The following SH3YL1 variants were observed in gnomAD, a reference collection of about 807,000 sequenced individuals.
SH3YL1 encodes SH3 and SYLF domain containing 1.
SH3YL1 carries 41 observed loss-of-function variants against 45.8 expected under a neutral mutation model. The observed-to-expected ratio is 0.89, with a 90% CI of 0.70 to 1.16. The LOEUF is 1.16. Among genes scored for constraint, SH3YL1 ranks in the 50% most tolerant of loss-of-function variants. The pLI, the probability that SH3YL1 is intolerant of heterozygous loss-of-function variation, is 0.00. For synonymous variants in SH3YL1, 152 were observed against 151.4 expected (o/e 1.00, Z -0.03); for missense variants, 389 against 409.6 (o/e 0.95, Z 0.43).
chr2:220,396 T>C (rs983013559), intron 9 of SH3YL1, among the ~76,000 whole-genome samples: 2 of 152,142 alleles, frequency 1.3e-5, no homozygotes, highest in African/African-American at 4.8e-5. Flanking sequence ...AATACTGGTA[T>C]AACTACTTTT....
chr2:238,653 C>A (rs142559098), intron 4 of SH3YL1, among the ~76,000 whole-genome samples: 25 of 152,200 alleles, frequency 1.6e-4, no homozygotes, highest in Non-Finnish European at 8.8e-5. Context: ...GCCAAGCCAG[C>A]AGCAGGACTT....
chr2:227,041 G>A (rs1159317959), intron 8 of SH3YL1, among the ~76,000 whole-genome samples: 6 of 152,026 alleles, frequency 3.9e-5, no homozygotes, highest in Non-Finnish European at 7.4e-5. Flanking sequence ...AGTGGGAAAT[G>A]TGCATGGTAG....
intron 9 of SH3YL1, among the ~76,000 whole-genome samples, chr2:223,564 GTCAACATT>G (rs2103017642): frequency 6.6e-6 from 1 of 152,320 alleles, no homozygotes; most frequent in South Asian, 2.1e-4. Flanking sequence ...CTGTCTTGGT[GTCAACATT>G]TATACCTTAA....
At chr2:226,457 T>C (rs781200202) in intron 8 of SH3YL1, among the ~76,000 whole-genome samples, 98 of 152,302 alleles carry the variant, frequency 6.4e-4, no homozygotes, top group African/African-American at 1.6e-3. Context: ...CATTCACTAA[T>C]AGGAATAAAT....
In SH3YL1 at chr2:220,627, G is replaced by A. The variant is rs371932410; in HGVS notation, c.839-1626C>T. On this transcript the variant is annotated intron_variant, in intron 9 of 9. Transcript: ENST00000356150. ...TGTGAAAGGAGCTGTGCTCTGCCCTGGGTGGGGTACCGGGCAGGCGCTCAC... is the reference window on the plus strand; with the variant it reads ...TGTGAAAGGAGCTGTGCTCTGCCCTAGGTGGGGTACCGGGCAGGCGCTCAC... Among the ~76,000 whole-genome samples, 80 of 152,344 alleles carry A rather than the reference G, an allele frequency of 5.3e-4. No homozygotes were observed. In the East Asian group the frequency reaches 9.8e-3, roughly 19 times the overall value.
chr2:237,224 T>C (rs1668345179), intron 4 of SH3YL1, among the ~76,000 whole-genome samples: 2 of 151,938 alleles, frequency 1.3e-5, no homozygotes, highest in African/African-American at 4.8e-5. Context: ...TACATCGTGG[T>C]ACAGTTAAGT....
At chr2:221,492 G>T (rs17041739) in intron 9 of SH3YL1, among the ~76,000 whole-genome samples, 1,553 of 152,322 alleles carry the variant, frequency 0.01, 66 homozygotes, top group Admixed American at 0.086. Flanking sequence ...TCACAATCAG[G>T]TGTTGGTCTA....
chr2:238,554 A>T (rs1284920993), intron 4 of SH3YL1, among the ~76,000 whole-genome samples: 1 of 152,254 alleles, frequency 6.6e-6, no homozygotes, highest in East Asian at 1.9e-4. Context: ...TCAAATTCCA[A>T]TCTTGAGTAA....
chr2:257,947 A>T (rs1669420324), intron 1 of SH3YL1, among the ~76,000 whole-genome samples: 1 of 152,172 alleles, frequency 6.6e-6, no homozygotes, highest in South Asian at 2.1e-4. Context: ...TGACTTTGTC[A>T]AATATCAGAT....
chr2:229,980 T>C lies in SH3YL1; in HGVS notation c.767A>G (p.Asn256Ser), dbSNP rs1203385331. 6.2e-7 allele frequency: 1 copy of C among 1,612,474 alleles called. No individual in the cohort carries two copies. The highest frequency in any genetic ancestry group is 1.3e-5 in the African/African-American group (1 of 74,888). ...PQQSSAPVQL[N>S]SGSQSNRNEY... ...AAAATATTTACTTTGAGAGCCAGAG[T>C]TCAGCTGGACTGGTGCAGATGACTG... The change falls in exon 8 of 10, where the codon AAC becomes AGC. Residue 256 changes from asparagine to serine, a missense_variant. Physicochemically the swap from Asn to Ser is conservative, Grantham distance 46. Transcript: ENST00000356150.
At chr2:246,372 C>T (rs1042304081) in intron 4 of SH3YL1, among the ~76,000 whole-genome samples, 2 of 152,122 alleles carry the variant, frequency 1.3e-5, no homozygotes, top group Non-Finnish European at 2.9e-5. Flanking sequence ...ACCATGGAAA[C>T]TCTCAATTTT....
Position 228,757 on chromosome 2 carries a change from T to C in SH3YL1, c.781+1209A>G, listed in dbSNP as rs530529879. On this transcript the variant is annotated intron_variant, in intron 8 of 9. Coordinates refer to ENST00000356150, the MANE Select transcript of SH3YL1 (RefSeq NM_015677.4). ...CAGGAGGCAGGTTGGTAATGAGGAA[T>C]AGGCCTGGTTCCTGAGCATCTTCCT... Among the ~76,000 whole-genome samples the C allele has an allele frequency of 5.3e-5, 8 of 152,250 alleles. No homozygotes were observed. The South Asian group carries it at 1.0e-3, about 20-fold the overall frequency.
At chr2:255,411 T>C (rs1381273307) in intron 1 of SH3YL1, among the ~76,000 whole-genome samples, 4 of 151,854 alleles carry the variant, frequency 2.6e-5, no homozygotes, top group South Asian at 2.1e-4. Flanking sequence ...CTGGGCAACA[T>C]AGTGAGACCC....
chr2:228,893 C>A (rs568687273), intron 8 of SH3YL1, among the ~76,000 whole-genome samples: 2 of 152,290 alleles, frequency 1.3e-5, no homozygotes, highest in East Asian at 1.9e-4. Flanking sequence ...GCCGAGGATG[C>A]GCTTCCCGCC....
intron 2 of SH3YL1, among the ~76,000 whole-genome samples, chr2:250,834 G>A (rs62114509): frequency 3.3e-5 from 5 of 152,158 alleles, no homozygotes; most frequent in Admixed American, 6.5e-5. Flanking sequence ...CATTTGTGGA[G>A]CTGTTCTTAA....
At chr2:231,332 C>T in intron 6 of SH3YL1, 141 bp from the exon 7 acceptor site, 2 of 670,846 alleles carry the variant, frequency 3.0e-6, no homozygotes, top group Non-Finnish European at 2.5e-6. Context: ...TAAACACTAA[C>T]TTTAAGCAAT....
intron 4 of SH3YL1, among the ~76,000 whole-genome samples, chr2:245,637 C>T (rs991102359): frequency 6.6e-6 from 1 of 152,106 alleles, no homozygotes; most frequent in Non-Finnish European, 1.5e-5. Flanking sequence ...AGAATTGGAG[C>T]CAGAATGGTC....
intron 3 of SH3YL1, 51 bp from the exon 4 acceptor site, chr2:247,653 T>C: frequency 7.1e-7 from 1 of 1,413,700 alleles, no homozygotes; most frequent in Admixed American, 2.1e-5. Context: ...ACCCTCGACA[T>C]GTAAATATAG....
intron 1 of SH3YL1, among the ~76,000 whole-genome samples, chr2:261,931 A>T (rs1043508234): frequency 5.2e-4 from 79 of 152,260 alleles, no homozygotes; most frequent in African/African-American, 1.9e-3. Context: ...TACTGATTAC[A>T]TATTAATCAA....
Sources: gnomAD v4.1 joint callset for allele counts (sites outside exome capture counted in the v4.1 genomes callset) on GRCh38, gnomAD v4.1.1 for gene constraint, MANE v1.5 for transcripts, NCBI Gene and HGNC (gene_info 2026-07-23, HGNC 2026-07-21) for gene names.